The following RBFOX1 variants were observed in gnomAD, a reference collection of about 807,000 sequenced individuals.
RBFOX1 encodes RNA binding protein fox-1 homolog 1.
In RBFOX1, 8 loss-of-function variants were observed where a neutral mutation model predicts 57.7. The observed-to-expected ratio is 0.14, with a 90% CI of 0.08 to 0.25. RBFOX1 has a LOEUF of 0.25. Among genes scored for constraint, RBFOX1 ranks in the 10% least tolerant of loss-of-function variants. The pLI, the probability that RBFOX1 is intolerant of heterozygous loss-of-function variation, is 1.00. For synonymous variants in RBFOX1, 326 were observed against 222.4 expected (o/e 1.47, Z -4.15); for missense variants, 611 against 548.5 (o/e 1.11, Z -1.14).
At chr16:6,129,261 A>T (rs1163993211) in intron 1 of RBFOX1, among the ~76,000 whole-genome samples, 3 of 152,194 alleles carry the variant, frequency 2.0e-5, no homozygotes, top group Non-Finnish European at 2.9e-5. Flanking sequence ...TATGTTGAAG[A>T]CTTAAAGAGA....
chr16:6,680,120 GGT>G (rs1213632048), intron 3 of RBFOX1, among the ~76,000 whole-genome samples: 1 of 151,774 alleles, frequency 6.6e-6, no homozygotes, highest in Non-Finnish European at 1.5e-5. Flanking sequence ...TGTAAAATGG[GGT>G]CATAGAAGGA....
At chr16:6,921,409 C>T (rs925414883) in intron 3 of RBFOX1, among the ~76,000 whole-genome samples, 38 of 152,030 alleles carry the variant, frequency 2.5e-4, no homozygotes, top group African/African-American at 8.9e-4. Context: ...AGGTTGTTGG[C>T]ACAATTTATT....
At position 6,295,737 on chromosome 16, in the gene RBFOX1, T is replaced by A. The variant is rs74005080; in HGVS notation, c.-126-21258T>A. Among the ~76,000 whole-genome samples, 902 of 152,202 alleles carry A rather than the reference T, an allele frequency of 5.9e-3. 13 individuals are homozygous for A. Among genetic ancestry groups the A allele is most frequent in the African/African-American group, 0.021 (857 of 41,524 alleles). ...CCTGCAGCTGTCCTCTTTCCTGAAA[T>A]GAGGAGGGGACAGGGGCAATGGCTC... On this transcript the variant is annotated intron_variant, in intron 1 of 15. Transcript: ENST00000550418.
intron 3 of RBFOX1, among the ~76,000 whole-genome samples, chr16:6,837,707 A>G (rs1406098115): frequency 6.6e-6 from 1 of 152,238 alleles, no homozygotes; most frequent in South Asian, 2.1e-4. Context: ...CACTGTGGGC[A>G]TTGTGCAAGT....
At chr16:6,261,718 C>T (rs967286119) in intron 1 of RBFOX1, among the ~76,000 whole-genome samples, 2 of 152,096 alleles carry the variant, frequency 1.3e-5, no homozygotes, top group African/African-American at 4.8e-5. Flanking sequence ...TTCTTCAGTC[C>T]AGGCATGGTG....
At chr16:7,478,827 A>T (rs1300608434) in intron 4 of RBFOX1, among the ~76,000 whole-genome samples, 1 of 152,150 alleles carries the variant, frequency 6.6e-6, no homozygotes, top group African/African-American at 2.4e-5. Flanking sequence ...TACCCTGAGG[A>T]TGTAGAAAAC....
At chr16:5,968,660 A>G (rs2059900409) in intron 4 of RBFOX1, among the ~76,000 whole-genome samples, 1 of 152,014 alleles carries the variant, frequency 6.6e-6, no homozygotes, top group Admixed American at 6.5e-5. Context: ...TTGCAATCCT[A>G]TCCTTGACAA....
At chr16:7,344,587 A>G (rs909455101) in intron 4 of RBFOX1, among the ~76,000 whole-genome samples, 13 of 151,634 alleles carry the variant, frequency 8.6e-5, no homozygotes, top group Non-Finnish European at 1.6e-4. Context: ...TATAAATGAT[A>G]ATAATAATTA....
At chr16:6,422,229 C>CTT (rs771957311) in intron 2 of RBFOX1, among the ~76,000 whole-genome samples, 2 of 142,586 alleles carry the variant, frequency 1.4e-5, no homozygotes, top group African/African-American at 5.1e-5. Flanking sequence ...ACCACCTCTC[C>CTT]TTTTTTTTTT....
At chr16:6,918,157 C>G (rs1407415274) in intron 3 of RBFOX1, among the ~76,000 whole-genome samples, 3 of 152,058 alleles carry the variant, frequency 2.0e-5, no homozygotes, top group Admixed American at 6.6e-5. Flanking sequence ...GTATGCTAGC[C>G]TGTAGTCCCA....
intron 4 of RBFOX1, among the ~76,000 whole-genome samples, chr16:7,303,066 T>A (rs1481484938): frequency 2.0e-5 from 3 of 152,216 alleles, no homozygotes; most frequent in Non-Finnish European, 2.9e-5. Context: ...GCGGGTGTTC[T>A]GGGCTGGGAG....
chr16:6,661,901 A>T (rs4786904), intron 3 of RBFOX1, among the ~76,000 whole-genome samples: 1 of 151,924 alleles, frequency 6.6e-6, no homozygotes. Context: ...ATATATGAGA[A>T]TATCCATTTT....
chr16:6,292,899 A>G (rs948160094), intron 1 of RBFOX1, among the ~76,000 whole-genome samples: 1 of 152,152 alleles, frequency 6.6e-6, no homozygotes, highest in Non-Finnish European at 1.5e-5. Flanking sequence ...CTGACATTCA[A>G]AGTACTTTTT....
At chr16:5,855,976 C>CTTTTTTTTTTTTTT (rs1160702604) in intron 3 of RBFOX1, among the ~76,000 whole-genome samples, 82 of 77,560 alleles carry the variant, frequency 1.1e-3, no homozygotes, top group African/African-American at 1.4e-3. Flanking sequence ...GTATGTTATT[C>CTTTTTTTTTTTTTT]TTTTTTTTTT....
At chr16:5,327,399 C>T (rs1178483122) in intron 1 of RBFOX1, among the ~76,000 whole-genome samples, 2 of 152,194 alleles carry the variant, frequency 1.3e-5, no homozygotes, top group Non-Finnish European at 2.9e-5. Flanking sequence ...CTTAAGAATG[C>T]AAGTTTAAAA....
At chr16:6,612,708 C>T (rs899337105) in intron 2 of RBFOX1, among the ~76,000 whole-genome samples, 9 of 151,630 alleles carry the variant, frequency 5.9e-5, no homozygotes, top group African/African-American at 1.7e-4. Flanking sequence ...AAAAATTAGC[C>T]GGGTGTGGTG....
chr16:6,278,272 A>G (rs969930766), intron 1 of RBFOX1, among the ~76,000 whole-genome samples: 7 of 148,762 alleles, frequency 4.7e-5, no homozygotes, highest in African/African-American at 1.7e-4. Flanking sequence ...GGGAGCAGGC[A>G]TGTGCTTTAA....
chr16:5,296,229 A>T (rs1161178519), intron 1 of RBFOX1, among the ~76,000 whole-genome samples: 1 of 152,198 alleles, frequency 6.6e-6, no homozygotes, highest in East Asian at 1.9e-4. Context: ...GTAGCATTTT[A>T]TGAAAAGCAG....
chr16:6,969,008 A>C (rs1160119773), intron 3 of RBFOX1, among the ~76,000 whole-genome samples: 3 of 152,078 alleles, frequency 2.0e-5, no homozygotes, highest in Non-Finnish European at 2.9e-5. Context: ...CAAAGTCAGA[A>C]TGTTAGAATC....
Sources: allele counts gnomAD v4.1 joint callset (sites outside exome capture counted in the v4.1 genomes callset), GRCh38; gene constraint gnomAD v4.1.1; transcripts MANE v1.5; gene names NCBI Gene and HGNC (gene_info 2026-07-23, HGNC 2026-07-21).